The following GAREM1 variants were observed in gnomAD, a reference collection of about 807,000 sequenced individuals.
GAREM1 encodes the protein GRB2-associated and regulator of MAPK protein 1.
GAREM1 carries 26 observed loss-of-function variants against 71.3 expected under a neutral mutation model. The observed-to-expected ratio is 0.36, with a 90% CI of 0.27 to 0.51. The LOEUF (loss-of-function observed/expected upper bound fraction) is 0.51. Ranked by LOEUF, GAREM1 falls within the 20% of genes least tolerant of loss-of-function variation. GAREM1 has a pLI of 0.95. For missense variants in GAREM1, 1,026 were observed against 1,103.1 expected (o/e 0.93, Z 0.99); for synonymous variants, 440 against 433.2 (o/e 1.02, Z -0.20).
Position 32,310,185 on chromosome 18 carries a change from G to A in GAREM1, c.393+8C>T, listed in dbSNP as rs2047303107. 6.8e-6 allele frequency: 11 copies of A among 1,613,584 alleles called. No homozygotes were observed. Among genetic ancestry groups the A allele is most frequent in the Non-Finnish European group, 7.6e-6 (9 of 1,179,794 alleles). Reference sequence around the variant, plus strand: ...AGTATAAATATTTGGTGCTTCAAGAGCTACTACCTTCACGTTGAATGTGAT... The same window carrying A: ...AGTATAAATATTTGGTGCTTCAAGAACTACTACCTTCACGTTGAATGTGAT... On this transcript the variant is annotated splice_region_variant and intron_variant, in intron 3 of 5. Transcript: ENST00000269209.
chr18:32,310,734 G>T (rs1468003001), intron 2 of GAREM1, among the ~76,000 whole-genome samples: 3 of 152,090 alleles, frequency 2.0e-5, no homozygotes, highest in Non-Finnish European at 4.4e-5. Context: ...AGTCTTAGAA[G>T]CCTGGGAGAG....
At chr18:32,289,838 T>C (rs924744651) in intron 3 of GAREM1, among the ~76,000 whole-genome samples, 1 of 152,206 alleles carries the variant, frequency 6.6e-6, no homozygotes, top group African/African-American at 2.4e-5. Flanking sequence ...TGCAAAAATA[T>C]CAGTGGTGCT....
chr18:32,468,606 C>T (rs962667706), intron 1 of GAREM1, among the ~76,000 whole-genome samples: 2 of 152,134 alleles, frequency 1.3e-5, no homozygotes, highest in Admixed American at 1.3e-4. Context: ...TGATTCAGAT[C>T]CTTTTTATGA....
chr18:32,358,353 A>G (rs1397219104), intron 2 of GAREM1, among the ~76,000 whole-genome samples: 3 of 151,968 alleles, frequency 2.0e-5, no homozygotes, highest in Non-Finnish European at 4.4e-5. Context: ...TGAGGGCTTC[A>G]GGTTGTCAAA....
intron 3 of GAREM1, among the ~76,000 whole-genome samples, chr18:32,297,640 G>T (rs1456498027): frequency 2.0e-5 from 3 of 151,928 alleles, no homozygotes; most frequent in Non-Finnish European, 2.9e-5. Flanking sequence ...TGTTATCCCA[G>T]AATAAAACTT....
chr18:32,355,308 G>A (rs1389194501), intron 2 of GAREM1, among the ~76,000 whole-genome samples: 1 of 152,076 alleles, frequency 6.6e-6, no homozygotes, highest in East Asian at 1.9e-4. Context: ...GGCCTATGGT[G>A]AATAATGAAG....
intron 1 of GAREM1, among the ~76,000 whole-genome samples, chr18:32,427,225 A>C (rs1201896596): frequency 1.3e-5 from 2 of 152,192 alleles, no homozygotes; most frequent in Non-Finnish European, 2.9e-5. Context: ...TTATATTGCA[A>C]AGAAAACACC....
chr18:32,343,311 G>GTTTTTTTTTTTTTT (rs35086441), intron 2 of GAREM1, among the ~76,000 whole-genome samples: 2 of 118,870 alleles, frequency 1.7e-5, no homozygotes, highest in African/African-American at 3.4e-5. Context: ...CTCCCCCACT[G>GTTTTTTTTTTTTTT]TTTTTTTTTT....
At chr18:32,341,741 G>A (rs1005785377) in intron 2 of GAREM1, among the ~76,000 whole-genome samples, 4 of 152,170 alleles carry the variant, frequency 2.6e-5, no homozygotes, top group Non-Finnish European at 5.9e-5. Context: ...GGGTGGAGCG[G>A]GGAGAGGTGG....
At chr18:32,313,348 A>G (rs1377475051) in intron 2 of GAREM1, among the ~76,000 whole-genome samples, 4 of 152,142 alleles carry the variant, frequency 2.6e-5, no homozygotes. Flanking sequence ...TGAACCCTAG[A>G]GGGAGTGAGC....
chr18:32,316,008 A>G (rs660031), intron 2 of GAREM1, among the ~76,000 whole-genome samples: 25,303 of 152,072 alleles, frequency 0.17, 2,368 homozygotes, highest in African/African-American at 0.24. Flanking sequence ...AGTAGCCTCA[A>G]ACATATTTTG....
At chr18:32,413,636 T>C (rs906422581) in intron 1 of GAREM1, among the ~76,000 whole-genome samples, 1 of 152,116 alleles carries the variant, frequency 6.6e-6, no homozygotes, top group African/African-American at 2.4e-5. Flanking sequence ...TTAAGTTTTA[T>C]AGATAGGTCT....
intron 4 of GAREM1, among the ~76,000 whole-genome samples, chr18:32,284,774 C>CGG (rs1391389138): frequency 7.5e-6 from 1 of 133,306 alleles, no homozygotes; most frequent in African/African-American, 3.0e-5. Flanking sequence ...TTTTTTGAGA[C>CGG]AGTCTCGCTC....
chr18:32,270,441 A>G, intron 4 of GAREM1, 58 bp from the exon 5 acceptor site: 1 of 1,466,530 alleles, frequency 6.8e-7, no homozygotes, highest in East Asian at 2.4e-5. Context: ...ACGGGGCGCC[A>G]GCTCAATCCT....
At chr18:32,454,504 A>T (rs1375473495) in intron 1 of GAREM1, among the ~76,000 whole-genome samples, 1 of 152,244 alleles carries the variant, frequency 6.6e-6, no homozygotes, top group Non-Finnish European at 1.5e-5. Flanking sequence ...CCAAATCTCA[A>T]TGATTTCCCA....
In GAREM1 at chr18:32,287,108, G is replaced by A. The variant is rs1567949132; in HGVS notation, c.1489C>T (p.Pro497Ser). The change falls in exon 4 of 6, where the codon CCT becomes TCT. Residue 497 changes from proline to serine, a missense_variant. Physicochemically the swap from Pro to Ser is moderately conservative, Grantham distance 74 (BLOSUM62 -1). Coordinates refer to ENST00000269209, the MANE Select transcript of GAREM1 (RefSeq NM_001242409.2). The surrounding 1 kb of genome is among the most constrained non-coding windows in gnomAD (Gnocchi z 5.9). ...TTCACTGCTGCTCCCAGAGTCCCAG[G>A]GATGGGAAGAGGAGAAGTCGCACAT... ...SKCATSPLPI[P>S]GTLGAAVKSS... 1 of 1,613,992 alleles carries A rather than the reference G, an allele frequency of 6.2e-7. No homozygotes were observed. Among genetic ancestry groups the A allele is most frequent in the East Asian group, 2.2e-5 (1 of 44,864 alleles).
At chr18:32,449,199 C>A (rs536968546) in intron 1 of GAREM1, among the ~76,000 whole-genome samples, 2 of 152,280 alleles carry the variant, frequency 1.3e-5, no homozygotes, top group Admixed American at 6.5e-5. Context: ...TGTTGTACAG[C>A]AGCTGGCACC....
chr18:32,278,871 C>A (rs561214206), intron 4 of GAREM1, among the ~76,000 whole-genome samples: 1 of 152,288 alleles, frequency 6.6e-6, no homozygotes, highest in East Asian at 1.9e-4. Context: ...GATGCGTGAG[C>A]TTCTTTTTTC....
intron 3 of GAREM1, among the ~76,000 whole-genome samples, chr18:32,301,574 A>C (rs1313685880): frequency 2.6e-5 from 4 of 152,210 alleles, no homozygotes; most frequent in African/African-American, 9.6e-5. Context: ...AATGCGAACC[A>C]ACCAATTAGA....
Sources: allele counts gnomAD v4.1 joint callset (sites outside exome capture counted in the v4.1 genomes callset), GRCh38; gene constraint gnomAD v4.1.1; non-coding constraint Gnocchi (gnomAD v3.1); transcripts MANE v1.5; gene names NCBI Gene and HGNC (gene_info 2026-07-23, HGNC 2026-07-21).